The following MYH14 variants were observed in gnomAD, a reference collection of about 807,000 sequenced individuals.
MYH14 encodes myosin heavy chain 14.
In MYH14, 123 loss-of-function variants were observed where a neutral mutation model predicts 255.5. The observed-to-expected ratio is 0.48, with a 90% CI of 0.42 to 0.56. MYH14 has a LOEUF of 0.56. Among genes scored for constraint, MYH14 ranks in the 20% least tolerant of loss-of-function variants. The pLI is 0.00. For synonymous variants in MYH14, 1,095 were observed against 1,161.2 expected (o/e 0.94, Z 1.16); for missense variants, 2,423 against 2,802.3 (o/e 0.86, Z 3.06).
intron 1 of MYH14, among the ~76,000 whole-genome samples, chr19:50,204,755 C>A (rs2031636663): frequency 6.6e-6 from 1 of 152,108 alleles, no homozygotes; most frequent in African/African-American, 2.4e-5. Flanking sequence ...GTTAGCCGGG[C>A]GTGGTGGCGT....
chr19:50,206,632 G>A (rs566143012), intron 1 of MYH14, among the ~76,000 whole-genome samples: 1 of 152,208 alleles, frequency 6.6e-6, no homozygotes, highest in Admixed American at 6.5e-5. Context: ...GCTTGGGGAT[G>A]GGAGGAGAGG....
rs1760965833 is a variant in MYH14, at chr19:50,221,028, TC to T, written c.563-2054del. On this transcript the variant is annotated intron_variant, in intron 3 of 42. Transcript: ENST00000642316. This position sits in a 1 kb window ranked among gnomAD's most constrained non-coding sequence, Gnocchi z 5.3. Reference sequence around the variant, plus strand: ...ATAGGTTATCTCCTTGTCCCTGATTTCTGGGTGGGGAAACTGAGGCACAGAG... The same window carrying T: ...ATAGGTTATCTCCTTGTCCCTGATTTTGGGTGGGGAAACTGAGGCACAGAG... Among the ~76,000 whole-genome samples the T allele has an allele frequency of 6.6e-6, 1 of 152,194 alleles. No individual in the cohort carries two copies. The highest frequency in any genetic ancestry group is 6.5e-5 in the Admixed American group (1 of 15,282).
chr19:50,207,712 A>T (rs671662), intron 1 of MYH14, among the ~76,000 whole-genome samples: 42,760 of 152,174 alleles, frequency 0.28, 6,640 homozygotes, highest in Non-Finnish European at 0.34. Context: ...TTCTGCAGGC[A>T]TGAGATAGGC....
Position 50,276,853 on chromosome 19 carries a change from C to G in MYH14, c.3777C>G (p.His1259Gln), listed in dbSNP as rs371116668. 1 of 1,504,652 alleles carries G rather than the reference C, an allele frequency of 6.6e-7. No homozygotes were observed. 93.2% of individuals were successfully genotyped at this position (1,504,652 alleles called of 1,614,324 possible). A position where few individuals can be genotyped will look rare whatever the true frequency, so the allele number is the denominator to read the frequency against. ...CAGTGCAGGAGCTGAGGCAGCGCCA[C>G]GGCCAGGCCCTGGGGGAGCTGGCGG... Reference protein sequence around the residue: ...EAAVQELRQRHGQALGELAEQ... With the variant: ...EAAVQELRQRQGQALGELAEQ... Residue 1259 changes from histidine (H) to glutamine (Q), a missense_variant, in exon 29 of 43, where the codon CAC becomes CAG. This residue lies in a region of MYH14 where 1,513 missense variants were observed against 1,674.8 expected (regional missense o/e 0.90). Transcript: ENST00000642316. The surrounding 1 kb of genome is among the most constrained non-coding windows in gnomAD (Gnocchi z 4.3).
rs114450575 is a variant in MYH14, at chr19:50,237,618, G to A, written c.1114+5548G>A. On this transcript the variant is annotated intron_variant, in intron 10 of 42. Coordinates refer to ENST00000642316, the MANE Select transcript of MYH14 (RefSeq NM_001145809.2). Reference sequence around the variant, plus strand: ...GCTGGGATTACAGGCGTGAGCCACCGCACCCGGCCATGAGCATTTTTTAAA... The same window carrying A: ...GCTGGGATTACAGGCGTGAGCCACCACACCCGGCCATGAGCATTTTTTAAA... Among the ~76,000 whole-genome samples, 1,360 of 152,228 alleles carry A rather than the reference G, an allele frequency of 8.9e-3. 16 individuals are homozygous for A. Among genetic ancestry groups the A allele is most frequent in the African/African-American group, 0.029 (1,189 of 41,518 alleles).
chr19:50,216,352 C>T (rs749239645), intron 2 of MYH14, among the ~76,000 whole-genome samples: 16 of 152,166 alleles, frequency 1.1e-4, no homozygotes, highest in Non-Finnish European at 1.9e-4. Context: ...CCTGTAATCC[C>T]GGCACTTTGG....
At position 50,257,378 on chromosome 19, in the gene MYH14, C is replaced by G. The variant is rs763463483; in HGVS notation, c.2124C>G (p.Phe708Leu). 3 of 1,608,552 alleles carry G rather than the reference C, an allele frequency of 1.9e-6. No homozygotes were observed. The South Asian group carries it at 3.3e-5, about 18-fold the overall frequency. ...PPGGRPRRGMFRTVGQLYKES... is the reference protein window; with the variant it reads ...PPGGRPRRGMLRTVGQLYKES... ...GTGGCCGCCCCCGTCGGGGTATGTT[C>G]CGGACAGTGGGACAGCTCTACAAGG... is the stretch of plus-strand genomic sequence containing the variant. The change falls in exon 18 of 43, where the codon TTC (phenylalanine) becomes TTG (leucine). Residue 708 changes from phenylalanine (F) to leucine (L), a missense_variant. Around this residue, in one of 3 missense-constraint regions of MYH14, gnomAD observed 672 missense variants for 881.8 expected, o/e 0.76. Transcript: ENST00000642316.
chr19:50,219,403 G>A (rs763415441), intron 3 of MYH14, among the ~76,000 whole-genome samples: 5 of 152,004 alleles, frequency 3.3e-5, no homozygotes, highest in African/African-American at 4.8e-5. Context: ...ACATGTTGGT[G>A]TGGATACGGT....
chr19:50,262,969 G>C (rs2034941674), intron 21 of MYH14, among the ~76,000 whole-genome samples: 1 of 148,952 alleles, frequency 6.7e-6, no homozygotes, highest in Admixed American at 6.7e-5. Flanking sequence ...GGAGGCCGAG[G>C]TGAGTAGATC....
Position 50,210,583 on chromosome 19 carries a change from A to G in MYH14, c.218A>G (p.Glu73Gly). ...TTCGAGGCGGCGGCGCTGCGGGACG[A>G]AGGCGAGGAGGAGGCGGAGGTGGAG... is the stretch of plus-strand genomic sequence containing the variant. ...HGFEAAALRD[E>G]GEEEAEVELA... is the part of the protein sequence containing the mutation. Residue 73 changes from glutamate (E) to glycine (G), a missense_variant, in exon 2 of 43, where the codon GAA becomes GGA. Glu to Gly is a moderately conservative substitution (Grantham distance 98). Transcript: ENST00000642316. The G allele has an allele frequency of 6.3e-7, 1 of 1,576,632 alleles. No homozygotes were observed. The highest frequency in any genetic ancestry group is 8.6e-7 in the Non-Finnish European group (1 of 1,162,182).
In MYH14 at chr19:50,276,534, T is replaced by G. The variant is rs1341786845; in HGVS notation, c.3681-223T>G. ...GTCTATGGGAGATCCAGGAAGACTT[T>G]CCTGAGGAAGGGCCTTTTGGAAAAG... is the stretch of plus-strand genomic sequence containing the variant. On this transcript the variant is annotated intron_variant, in intron 28 of 42. Transcript: ENST00000642316. The surrounding 1 kb of genome is among the most constrained non-coding windows in gnomAD (Gnocchi z 4.3). Among the ~76,000 whole-genome samples the G allele has an allele frequency of 6.6e-6, 1 of 152,104 alleles. No individual in the cohort carries two copies.
In MYH14 at chr19:50,260,642, G is replaced by A. The variant is rs1380073350; in HGVS notation, c.2355-4G>A. On this transcript the variant is annotated splice_polypyrimidine_tract_variant and splice_region_variant and intron_variant, in intron 19 of 42. Coordinates refer to ENST00000642316, the MANE Select transcript of MYH14 (RefSeq NM_001145809.2). ...TCCTCCCCACCCCTCCCTGCTCATT[G>A]CAGATACGAGATCCTGACACCCAAT... 6.2e-7 allele frequency: 1 copy of A among 1,611,150 alleles called. No individual in the cohort carries two copies. Among genetic ancestry groups the A allele is most frequent in the Non-Finnish European group, 8.5e-7 (1 of 1,177,836 alleles).
intron 10 of MYH14, among the ~76,000 whole-genome samples, chr19:50,233,843 TTTTGAGACGGAGTC>T (rs1388493570): frequency 1.5e-5 from 2 of 129,230 alleles, no homozygotes; most frequent in African/African-American, 5.7e-5. Context: ...CTTTTTGTTT[TTTTGAGACGGAGTC>T]TTGCTGGAGT....
intron 11 of MYH14, among the ~76,000 whole-genome samples, chr19:50,245,723 C>A (rs1473781872): frequency 6.6e-6 from 1 of 152,198 alleles, no homozygotes; most frequent in Non-Finnish European, 1.5e-5. Context: ...TGTATTACCC[C>A]ACTATGCTGC....
Position 50,271,497 on chromosome 19 carries a change from T to A in MYH14, c.3122T>A (p.Phe1041Tyr), listed in dbSNP as rs763346561. Residue 1041 changes from phenylalanine (F) to tyrosine (Y), a missense_variant, in exon 25 of 43, where the codon TTT (phenylalanine) becomes TAT (tyrosine). By Grantham distance (22) the Phe-to-Tyr change is conservative. Coordinates refer to ENST00000642316, the MANE Select transcript of MYH14 (RefSeq NM_001145809.2). ...ACGACAGAGGCAAAAATGAAGAAAT[T>A]TGAAGAGGACCTGCTGCTCCTGGAA... The part of the protein sequence containing the change: ...KVTTEAKMKK[F>Y]EEDLLLLEDQ... 3 of 1,607,318 alleles carry A rather than the reference T, an allele frequency of 1.9e-6. No homozygotes were observed. In the South Asian group the frequency reaches 3.4e-5, roughly 18 times the overall value.
In MYH14 at chr19:50,252,220, C is replaced by T. The variant is rs935173417; in HGVS notation, c.1831-419C>T. On this transcript the variant is annotated intron_variant, in intron 15 of 42. Coordinates refer to ENST00000642316, the MANE Select transcript of MYH14 (RefSeq NM_001145809.2). This position sits in a 1 kb window ranked among gnomAD's most constrained non-coding sequence, Gnocchi z 4.2. ...TGCAGAGAATTGTAGCGGCCAAGAT[C>T]GTGACTCTATGGAGCCCCACAGCAA... is the stretch of plus-strand genomic sequence containing the variant. 1.1e-4 allele frequency among the ~76,000 whole-genome samples: 16 copies of T among 151,406 alleles called. No individual in the cohort carries two copies. The highest frequency in any genetic ancestry group is 3.7e-4 in the African/African-American group (15 of 40,754).
chr19:50,262,998 G>C (rs1380606520), intron 21 of MYH14, among the ~76,000 whole-genome samples: 1 of 152,082 alleles, frequency 6.6e-6, no homozygotes. Flanking sequence ...TGGGGAGTTG[G>C]AGAGCAGCCC....
intron 11 of MYH14, 57 bp from the exon 12 acceptor site, chr19:50,246,947 T>A: frequency 7.8e-7 from 1 of 1,286,322 alleles, no homozygotes; most frequent in Non-Finnish European, 1.1e-6. Flanking sequence ...TCTCCCTTGC[T>A]GGGCAGCAAG....
At chr19:50,255,495 C>A (rs1156631151) in intron 17 of MYH14, among the ~76,000 whole-genome samples, 177 bp downstream of exon 17, 2 of 152,160 alleles carry the variant, frequency 1.3e-5, no homozygotes, top group African/African-American at 2.4e-5. Context: ...AGCAGCAGAA[C>A]CCCTTCTTCT....
Sources: gnomAD v4.1 joint callset for allele counts (sites outside exome capture counted in the v4.1 genomes callset) on GRCh38, gnomAD v4.1.1 for gene constraint, gnomAD v4.1.1 regional missense constraint, Gnocchi (gnomAD v3.1) non-coding constraint, MANE v1.5 for transcripts, NCBI Gene and HGNC (gene_info 2026-07-23, HGNC 2026-07-21) for gene names.